PCDH9: variants seen among roughly 807,000 people sequenced by gnomAD.
PCDH9 encodes the protein protocadherin-9.
PCDH9 carries 24 observed loss-of-function variants against 70.6 expected under a neutral mutation model. The observed-to-expected ratio is 0.34, with a 90% CI of 0.25 to 0.48. The LOEUF (loss-of-function observed/expected upper bound fraction) is 0.48. Among genes scored for constraint, PCDH9 ranks in the 20% least tolerant of loss-of-function variants. The probability of loss-of-function intolerance (pLI) is 0.99; values close to 1 mark genes in which losing one functional copy is unlikely to be tolerated. For missense variants in PCDH9, 1,281 were observed against 1,503.6 expected, an observed-to-expected ratio of 0.85 and a Z score of 2.45; for synonymous variants, 562 against 558.5, an observed-to-expected ratio of 1.01 and a Z score of -0.09.
intron 2 of PCDH9, among the ~76,000 whole-genome samples, chr13:67,136,977 A>G (rs1035117685): frequency 3.3e-5 from 5 of 151,824 alleles, no homozygotes; most frequent in African/African-American, 7.2e-5. Flanking sequence ...AAAATTATCT[A>G]CATTAGGTTT....
At chr13:66,966,650 A>C (rs750445089) in intron 2 of PCDH9, among the ~76,000 whole-genome samples, 11 of 152,126 alleles carry the variant, frequency 7.2e-5, no homozygotes, top group Admixed American at 1.3e-4. Flanking sequence ...TAATTCTATG[A>C]TTTAAGATGA....
rs1284799331 is a variant in PCDH9, at chr13:66,980,736, TTTTTTG to T, written c.3037-77137_3037-77132del. Among the ~76,000 whole-genome samples the T allele has an allele frequency of 1.7e-4, 24 of 139,556 alleles. 1 individual carries two copies. The highest frequency in any genetic ancestry group is 6.0e-4 in the African/African-American group (23 of 38,056). 91.6% of individuals were successfully genotyped at this position (139,556 alleles called of 152,430 possible). Reference sequence around the variant, plus strand: ...TTTTCCTGTTTTTTTCTTTGTTTTTTTTTTTGTTTTTTTTTTTACTATTTTATATCC... The same window carrying T: ...TTTTCCTGTTTTTTTCTTTGTTTTTTTTTTTTTTTTTACTATTTTATATCC... On this transcript the variant is annotated intron_variant, in intron 2 of 4. Coordinates refer to ENST00000377865, the MANE Select transcript of PCDH9 (RefSeq NM_203487.3).
At position 66,946,937 on chromosome 13, in the gene PCDH9, T is replaced by C. The variant is rs538135413; in HGVS notation, c.3037-43332A>G. On this transcript the variant is annotated intron_variant, in intron 2 of 4. Coordinates refer to ENST00000377865, the MANE Select transcript of PCDH9 (RefSeq NM_203487.3). ...TGTTTGTGTTATGAATCTTTCTTCC[T>C]TAACAAAAATGGGCTCCTTAACTTT... Among the ~76,000 whole-genome samples, 4 of 152,288 alleles carry C rather than the reference T, an allele frequency of 2.6e-5. No individual in the cohort carries two copies. In the South Asian group the frequency reaches 8.3e-4, roughly 32 times the overall value.
At chr13:66,789,340 G>C (rs2080127895) in intron 3 of PCDH9, among the ~76,000 whole-genome samples, 1 of 152,046 alleles carries the variant, frequency 6.6e-6, no homozygotes, top group African/African-American at 2.4e-5. Context: ...CTATTAGCCA[G>C]GCCATTAACA....
At chr13:66,778,262 C>A (rs1240530375) in intron 3 of PCDH9, among the ~76,000 whole-genome samples, 1 of 151,972 alleles carries the variant, frequency 6.6e-6, no homozygotes, top group Non-Finnish European at 1.5e-5. Flanking sequence ...TGCACACGTA[C>A]CCTAAAACTT....
chr13:66,488,619 A>T (rs1037558694), intron 4 of PCDH9, among the ~76,000 whole-genome samples: 2 of 152,198 alleles, frequency 1.3e-5, no homozygotes, highest in South Asian at 4.1e-4. Flanking sequence ...ATTCTGTAAG[A>T]ATTATTGTGA....
At chr13:67,156,902 A>T (rs1164858511) in intron 2 of PCDH9, among the ~76,000 whole-genome samples, 1 of 152,172 alleles carries the variant, frequency 6.6e-6, no homozygotes, top group Non-Finnish European at 1.5e-5. Flanking sequence ...CCACACCCAC[A>T]TCGCATGCCC....
intron 4 of PCDH9, among the ~76,000 whole-genome samples, chr13:66,529,260 G>A (rs1960340671): frequency 6.6e-6 from 1 of 152,068 alleles, no homozygotes; most frequent in Admixed American, 6.6e-5. Flanking sequence ...AGGCTGAAAA[G>A]GACTTGAAAT....
intron 3 of PCDH9, among the ~76,000 whole-genome samples, chr13:66,684,681 T>G (rs1363305563): frequency 1.3e-5 from 2 of 152,134 alleles, no homozygotes; most frequent in Non-Finnish European, 2.9e-5. Flanking sequence ...GTGAGTCAAT[T>G]AAAGCTCTTT....
intron 4 of PCDH9, among the ~76,000 whole-genome samples, chr13:66,447,212 A>T (rs979777295): frequency 9.2e-5 from 14 of 152,070 alleles, no homozygotes; most frequent in African/African-American, 1.9e-4. Context: ...ATATATTTTT[A>T]AGTTGCAAAA....
intron 3 of PCDH9, among the ~76,000 whole-genome samples, chr13:66,721,709 C>A (rs1374232741): frequency 2.0e-5 from 3 of 152,172 alleles, no homozygotes; most frequent in African/African-American, 7.2e-5. Flanking sequence ...ATTCTGAAAT[C>A]AAGAAACTTG....
intron 4 of PCDH9, among the ~76,000 whole-genome samples, chr13:66,593,931 T>C (rs1297541642): frequency 1.6e-5 from 1 of 62,858 alleles, no homozygotes; most frequent in East Asian, 1.2e-3. Flanking sequence ...TATTATTATA[T>C]ATAAAGTTTT....
intron 3 of PCDH9, among the ~76,000 whole-genome samples, chr13:66,725,027 C>A (rs1382897509): frequency 1.3e-5 from 2 of 152,290 alleles, no homozygotes; most frequent in African/African-American, 4.8e-5. Context: ...AGATGGCTGA[C>A]TTCCTCCACA....
intron 2 of PCDH9, among the ~76,000 whole-genome samples, chr13:67,046,000 C>T (rs2085215028): frequency 6.6e-6 from 1 of 152,006 alleles, no homozygotes; most frequent in Non-Finnish European, 1.5e-5. Context: ...ACTATAACTC[C>T]TCTCATTCAC....
intron 3 of PCDH9, among the ~76,000 whole-genome samples, chr13:66,839,664 A>T (rs116763862): frequency 0.01 from 1,535 of 152,266 alleles, 30 homozygotes; most frequent in African/African-American, 0.035. Context: ...TTTCAAAAAT[A>T]CCTCTCTGAT....
chr13:66,877,717 T>C lies in PCDH9; in HGVS notation c.3138+25787A>G, dbSNP rs374036558. On this transcript the variant is annotated intron_variant, in intron 3 of 4. Transcript: ENST00000377865. ...AACAACATCTTCATTGGACTGTACC[T>C]TTCAGGTACACAATGTTTGATGTTC... Among the ~76,000 whole-genome samples the C allele has an allele frequency of 1.7e-4, 26 of 152,298 alleles. 1 individual carries two copies. Among genetic ancestry groups the C allele is most frequent in the African/African-American group, 6.0e-4 (25 of 41,572 alleles).
At chr13:66,492,134 G>A (rs1352329401) in intron 4 of PCDH9, among the ~76,000 whole-genome samples, 9 of 152,066 alleles carry the variant, frequency 5.9e-5, no homozygotes, top group Non-Finnish European at 1.2e-4. Context: ...AAAGATACTT[G>A]CTGTTTGTCT....
intron 4 of PCDH9, among the ~76,000 whole-genome samples, chr13:66,539,719 C>T (rs1289479000): frequency 6.6e-6 from 1 of 152,022 alleles, no homozygotes; most frequent in Non-Finnish European, 1.5e-5. Flanking sequence ...GATAAACATA[C>T]TTGCATTATT....
chr13:66,583,990 C>G (rs1269773198), intron 4 of PCDH9, among the ~76,000 whole-genome samples: 4 of 152,086 alleles, frequency 2.6e-5, no homozygotes, highest in Non-Finnish European at 5.9e-5. Context: ...TGTATGTTTT[C>G]TCTCATGTAA....
Sources: allele counts gnomAD v4.1 joint callset (sites outside exome capture counted in the v4.1 genomes callset), GRCh38; gene constraint gnomAD v4.1.1; transcripts MANE v1.5; gene names NCBI Gene and HGNC (gene_info 2026-07-23, HGNC 2026-07-21).